Variants in KCNIP4 observed in about 807,000 individuals in gnomAD.
KCNIP4 encodes potassium voltage-gated channel interacting protein 4.
A neutral mutation model predicts 34.0 loss-of-function variants in KCNIP4; 12 were observed. The ratio of observed to expected loss-of-function variants is 0.35; its 90% CI spans 0.23 to 0.57. The LOEUF is 0.57. KCNIP4 is among the 20% of genes least tolerant of loss of function. The pLI, the probability that KCNIP4 is intolerant of heterozygous loss-of-function variation, is 0.83. For missense variants in KCNIP4, 238 were observed against 311.7 expected (o/e 0.76, Z 1.78); for synonymous variants, 124 against 102.2 (o/e 1.21, Z -1.29).
intron 1 of KCNIP4, among the ~76,000 whole-genome samples, chr4:21,689,476 T>C (rs1212542546): frequency 2.8e-5 from 4 of 144,124 alleles, no homozygotes; most frequent in Non-Finnish European, 5.9e-5. Flanking sequence ...GGTTAGGAAT[T>C]AAAAGCTGGA....
At chr4:21,285,193 T>G (rs1406768403) in intron 1 of KCNIP4, among the ~76,000 whole-genome samples, 1 of 152,220 alleles carries the variant, frequency 6.6e-6, no homozygotes, top group Non-Finnish European at 1.5e-5. Context: ...ATACAAATAT[T>G]TTTTAATTAC....
chr4:20,837,684 A>ATTTTT (rs773131443), intron 3 of KCNIP4, among the ~76,000 whole-genome samples: 214 of 102,530 alleles, frequency 2.1e-3, no homozygotes, highest in African/African-American at 8.3e-3. Flanking sequence ...ATATATATAT[A>ATTTTT]TATTTTTTTT....
chr4:21,206,658 T>C (rs1756874112), intron 1 of KCNIP4, among the ~76,000 whole-genome samples: 1 of 152,244 alleles, frequency 6.6e-6, no homozygotes, highest in African/African-American at 2.4e-5. Context: ...TGAACCCCAG[T>C]TGCTTTATTG....
chr4:20,942,451 T>C (rs1264437445), intron 1 of KCNIP4, among the ~76,000 whole-genome samples: 1 of 152,186 alleles, frequency 6.6e-6, no homozygotes, highest in African/African-American at 2.4e-5. Flanking sequence ...ATCACAGAAG[T>C]AGCTGCATTG....
intron 1 of KCNIP4, among the ~76,000 whole-genome samples, chr4:21,074,308 T>C (rs917085957): frequency 1.3e-5 from 2 of 152,238 alleles, no homozygotes; most frequent in Admixed American, 6.5e-5. Flanking sequence ...ATTGCCTCAA[T>C]TTCAGAGCCT....
intron 1 of KCNIP4, among the ~76,000 whole-genome samples, chr4:21,224,579 T>G (rs944184133): frequency 1.4e-5 from 1 of 71,244 alleles, no homozygotes; most frequent in Admixed American, 1.2e-4. Flanking sequence ...TTTTCAACTG[T>G]TTTTTTTTTT....
chr4:21,079,635 T>G (rs1372085107), intron 1 of KCNIP4, among the ~76,000 whole-genome samples: 2 of 151,560 alleles, frequency 1.3e-5, no homozygotes, highest in African/African-American at 4.9e-5. Context: ...ACCCTGTGAA[T>G]ATGTTATGTT....
intron 1 of KCNIP4, among the ~76,000 whole-genome samples, chr4:21,508,806 T>G (rs1252403049): frequency 6.6e-6 from 1 of 152,214 alleles, no homozygotes. Context: ...GGGCCTCTAA[T>G]GCATTGTTGT....
intron 1 of KCNIP4, among the ~76,000 whole-genome samples, chr4:20,947,605 T>A (rs1305418567): frequency 6.6e-6 from 1 of 152,198 alleles, no homozygotes; most frequent in African/African-American, 2.4e-5. Context: ...AATATGCAAA[T>A]GATTATTGCC....
At chr4:21,237,662 C>T (rs961298448) in intron 1 of KCNIP4, among the ~76,000 whole-genome samples, 2 of 152,132 alleles carry the variant, frequency 1.3e-5, no homozygotes, top group African/African-American at 4.8e-5. Flanking sequence ...CACATACACC[C>T]TCCCAAGACA....
At chr4:20,996,716 G>GT (rs1449383717) in intron 1 of KCNIP4, among the ~76,000 whole-genome samples, 5 of 151,942 alleles carry the variant, frequency 3.3e-5, no homozygotes, top group Non-Finnish European at 7.4e-5. Flanking sequence ...TCAAATTGCT[G>GT]TTTTTTTATT....
chr4:21,923,317 C>T (rs1235182280), intron 1 of KCNIP4, among the ~76,000 whole-genome samples: 1 of 152,210 alleles, frequency 6.6e-6, no homozygotes, highest in Non-Finnish European at 1.5e-5. Flanking sequence ...TATGGTGGCT[C>T]ATACCTGTAA....
At chr4:21,338,119 C>CA (rs1477280025) in intron 1 of KCNIP4, among the ~76,000 whole-genome samples, 2 of 151,876 alleles carry the variant, frequency 1.3e-5, no homozygotes, top group Non-Finnish European at 2.9e-5. Flanking sequence ...GAGAATGAAC[C>CA]AAAATCCCTC....
intron 4 of KCNIP4, among the ~76,000 whole-genome samples, chr4:20,753,698 G>A (rs575837153): frequency 5.9e-5 from 9 of 152,116 alleles, no homozygotes; most frequent in Non-Finnish European, 1.2e-4. Context: ...TGTGTGAATA[G>A]TAGCTTCTGT....
chr4:21,491,827 A>G (rs887496856), intron 1 of KCNIP4, among the ~76,000 whole-genome samples: 1 of 152,230 alleles, frequency 6.6e-6, no homozygotes, highest in East Asian at 1.9e-4. Flanking sequence ...TCTAAATAAC[A>G]TAATCATAAT....
chr4:20,913,158 C>A (rs1278433727), intron 1 of KCNIP4, among the ~76,000 whole-genome samples: 5 of 151,824 alleles, frequency 3.3e-5, no homozygotes, highest in Non-Finnish European at 7.4e-5. Flanking sequence ...AATGAATAAA[C>A]AAAAGGTGGT....
At chr4:21,232,259 G>T (rs28631703) in intron 1 of KCNIP4, among the ~76,000 whole-genome samples, 14,543 of 152,100 alleles carry the variant, frequency 0.096, 2,236 homozygotes, top group African/African-American at 0.33. Context: ...GCACACAGAA[G>T]AGAAATGTAA....
At chr4:21,697,745 C>G (rs953865894) in intron 1 of KCNIP4, 3 of 1,026,334 alleles carry the variant, frequency 2.9e-6, no homozygotes, top group African/African-American at 1.7e-5. Flanking sequence ...AGCTCTGGTT[C>G]GGCTCGGCAT....
intron 1 of KCNIP4, among the ~76,000 whole-genome samples, chr4:21,456,760 C>G (rs975992705): frequency 2.3e-5 from 3 of 127,756 alleles, no homozygotes; most frequent in African/African-American, 1.2e-4. Flanking sequence ...TGGGTGGTCC[C>G]CACTGTTCTC....
Sources: gnomAD v4.1 joint callset for allele counts (sites outside exome capture counted in the v4.1 genomes callset) on GRCh38, gnomAD v4.1.1 for gene constraint, MANE v1.5 for transcripts, NCBI Gene and HGNC (gene_info 2026-07-23, HGNC 2026-07-21) for gene names.